Variants in RAI14 observed in about 807,000 individuals in gnomAD.
RAI14 encodes ankycorbin.
A neutral mutation model predicts 115.4 loss-of-function variants in RAI14; 45 were observed. That is an observed-to-expected ratio of 0.39 (90% confidence interval 0.31 to 0.50). RAI14 has a LOEUF of 0.50. RAI14 is among the 20% of genes least tolerant of loss of function. The pLI is 0.85. For missense variants in RAI14, 939 were observed against 1,131.2 expected, an observed-to-expected ratio of 0.83 and a Z score of 2.44; for synonymous variants, 371 against 415.4, an observed-to-expected ratio of 0.89 and a Z score of 1.30.
At chr5:34,769,936 C>A (rs902785960) in intron 3 of RAI14, among the ~76,000 whole-genome samples, 18 of 152,090 alleles carry the variant, frequency 1.2e-4, no homozygotes, top group African/African-American at 4.1e-4. Flanking sequence ...ACCATGTTGG[C>A]CAGGCTGGTC....
intron 3 of RAI14, among the ~76,000 whole-genome samples, chr5:34,776,228 A>C (rs1750816103): frequency 6.6e-6 from 1 of 152,160 alleles, no homozygotes; most frequent in African/African-American, 2.4e-5. Flanking sequence ...AAACTCATGG[A>C]GATAAGAGCA....
chr5:34,674,289 T>G (rs1425567660), intron 1 of RAI14, among the ~76,000 whole-genome samples: 1 of 152,180 alleles, frequency 6.6e-6, no homozygotes, highest in Non-Finnish European at 1.5e-5. Flanking sequence ...ATTAAGACAC[T>G]GGATGCCTGG....
At chr5:34,687,504 G>C (rs1737993724) in intron 2 of RAI14, 1 of 1,322,452 alleles carries the variant, frequency 7.6e-7, no homozygotes, top group Non-Finnish European at 9.8e-7. Context: ...ACTCTGGATT[G>C]GAGGAAGCAG....
intron 2 of RAI14, among the ~76,000 whole-genome samples, chr5:34,742,232 C>T (rs1745603918): frequency 6.6e-6 from 1 of 152,140 alleles, no homozygotes; most frequent in Admixed American, 6.5e-5. Context: ...CCTTTTCTCT[C>T]TATGGGGCAT....
At chr5:34,776,798 CCCT>C (rs1750900326) in intron 3 of RAI14, among the ~76,000 whole-genome samples, 1 of 146,614 alleles carries the variant, frequency 6.8e-6, no homozygotes, top group Non-Finnish European at 1.5e-5. Flanking sequence ...CAGAGTGAGA[CCCT>C]TTATTAAAAA....
intron 2 of RAI14, among the ~76,000 whole-genome samples, chr5:34,752,923 G>T (rs866197903): frequency 6.6e-6 from 1 of 151,452 alleles, no homozygotes; most frequent in African/African-American, 2.4e-5. Flanking sequence ...ACGAGCCACC[G>T]TGCCCAGTCC....
intron 2 of RAI14, among the ~76,000 whole-genome samples, chr5:34,702,310 C>T (rs562636034): frequency 6.6e-5 from 10 of 152,234 alleles, no homozygotes; most frequent in Admixed American, 4.6e-4. Flanking sequence ...AGTGAAACCC[C>T]GTCTCTACTA....
intron 2 of RAI14, among the ~76,000 whole-genome samples, chr5:34,704,426 A>T (rs1457598150): frequency 6.6e-6 from 1 of 152,222 alleles, no homozygotes; most frequent in Non-Finnish European, 1.5e-5. Flanking sequence ...TTTTCTGCAC[A>T]GGTCCACAAT....
chr5:34,750,376 G>A (rs1433572375), intron 2 of RAI14, among the ~76,000 whole-genome samples: 2 of 152,162 alleles, frequency 1.3e-5, no homozygotes, highest in South Asian at 4.1e-4. Flanking sequence ...GTGTGGATGT[G>A]CATTATTCTG....
intron 2 of RAI14, among the ~76,000 whole-genome samples, chr5:34,713,798 G>A (rs1319210105): frequency 6.6e-6 from 1 of 151,996 alleles, no homozygotes; most frequent in Non-Finnish European, 1.5e-5. Context: ...TGCTGTATTT[G>A]AATTTCTTTT....
chr5:34,672,967 TTG>T (rs1012510268), intron 1 of RAI14, among the ~76,000 whole-genome samples: 7 of 152,206 alleles, frequency 4.6e-5, no homozygotes, highest in Admixed American at 2.0e-4. Context: ...TTTCCCTCCT[TTG>T]TACTCCCTCA....
At chr5:34,703,821 C>G (rs562774088) in intron 2 of RAI14, among the ~76,000 whole-genome samples, 2 of 152,276 alleles carry the variant, frequency 1.3e-5, no homozygotes, top group East Asian at 3.9e-4. Flanking sequence ...CTAGCAGTTA[C>G]CTTGTAGGCA....
intron 2 of RAI14, among the ~76,000 whole-genome samples, chr5:34,745,895 G>A (rs1009437374): frequency 6.6e-6 from 1 of 152,142 alleles, no homozygotes; most frequent in South Asian, 2.1e-4. Flanking sequence ...CCAAGAAAAG[G>A]TAAAAGCCAT....
intron 3 of RAI14, among the ~76,000 whole-genome samples, chr5:34,764,861 T>C (rs902266577): frequency 1.6e-4 from 24 of 152,146 alleles, no homozygotes; most frequent in African/African-American, 5.6e-4. Context: ...TGGTTTGGCT[T>C]TGTGTCCCCA....
At chr5:34,681,035 A>G (rs1744342862) in intron 1 of RAI14, among the ~76,000 whole-genome samples, 2 of 152,188 alleles carry the variant, frequency 1.3e-5, no homozygotes, top group South Asian at 2.1e-4. Flanking sequence ...AAGCAGCAAC[A>G]TAACTCACAG....
intron 2 of RAI14, among the ~76,000 whole-genome samples, chr5:34,743,349 T>A (rs1745763749): frequency 6.6e-6 from 1 of 152,192 alleles, no homozygotes; most frequent in Non-Finnish European, 1.5e-5. Flanking sequence ...GGCACACCAC[T>A]CTAATCTCTG....
chr5:34,693,355 T>TTA (rs1305262038), intron 2 of RAI14, among the ~76,000 whole-genome samples: 1 of 152,218 alleles, frequency 6.6e-6, no homozygotes, highest in African/African-American at 2.4e-5. Context: ...TCCTTGGGAC[T>TTA]GTTTTCAGCA....
chr5:34,759,268 GA>G (rs201883332), intron 3 of RAI14, among the ~76,000 whole-genome samples: 8 of 147,868 alleles, frequency 5.4e-5, no homozygotes, highest in South Asian at 2.2e-4. Flanking sequence ...GTATCAAAGG[GA>G]AAAAAAAAAG....
chr5:34,720,133 T>C (rs1742483243), intron 2 of RAI14, among the ~76,000 whole-genome samples: 1 of 152,206 alleles, frequency 6.6e-6, no homozygotes, highest in African/African-American at 2.4e-5. Flanking sequence ...TAAATATTTA[T>C]TTCTTCTCAG....
Sources: allele counts gnomAD v4.1 joint callset (sites outside exome capture counted in the v4.1 genomes callset), GRCh38; gene constraint gnomAD v4.1.1; transcripts MANE v1.5; gene names NCBI Gene and HGNC (gene_info 2026-07-23, HGNC 2026-07-21).